The following MTMR10 variants were observed in gnomAD, a reference collection of about 807,000 sequenced individuals.
The protein encoded by MTMR10 is myotubularin related protein 10, also known as myotubularin-related protein 10.
A neutral mutation model predicts 88.1 loss-of-function variants in MTMR10; 56 were observed. The observed-to-expected ratio is 0.64, with a 90% CI of 0.51 to 0.79. The LOEUF is 0.79. MTMR10 is among the 30% of genes least tolerant of loss of function. MTMR10 has a pLI of 0.00. For synonymous variants in MTMR10, 380 were observed against 340.9 expected (o/e 1.11, Z -1.26); for missense variants, 883 against 924.7 (o/e 0.95, Z 0.58).
At chr15:30,934,938 GTC>G (rs1191328641), downstream of MTMR10, among the ~76,000 whole-genome samples, 5 of 152,080 alleles carry the variant, frequency 3.3e-5, no homozygotes, top group Non-Finnish European at 7.4e-5. Context: ...TGATTAATGA[GTC>G]TGTATTTACT....
At chr15:30,946,252 A>C (rs1006084793) in intron 14 of MTMR10, 2 of 153,308 alleles carry the variant, frequency 1.3e-5, no homozygotes, top group African/African-American at 4.8e-5. Context: ...ATCCAGAATA[A>C]TTCATATGTC....
intron 5 of MTMR10, among the ~76,000 whole-genome samples, chr15:30,972,925 C>G (rs1241324816): frequency 6.6e-6 from 1 of 152,180 alleles, no homozygotes; most frequent in African/African-American, 2.4e-5. Flanking sequence ...GCATCAATTT[C>G]TTCCTTAGGA....
Position 30,991,449 on chromosome 15 carries a change from G to A in MTMR10, c.58C>T (p.Gln20Ter), listed in dbSNP as rs753837494. The change falls in exon 1 of 16, where the codon CAG becomes TAG. Residue 20 changes from glutamine to a stop codon, truncating the protein, a stop_gained and splice_region_variant. Transcript: ENST00000435680. LOFTEE classifies it high-confidence loss of function. Reference sequence around the variant, plus strand: ...GCTCGCGGGGAGGGGTTGTTTACCTGGGGCGGTGGCAGGAGGTAGGACCTG... The same window carrying A: ...GCTCGCGGGGAGGGGTTGTTTACCTAGGGCGGTGGCAGGAGGTAGGACCTG... Reference protein sequence around the residue: ...TFRSYLLPPPQTDDKINSEPK... With the variant: ...TFRSYLLPPP 1.6e-5 allele frequency: 24 copies of A among 1,501,992 alleles called. No homozygotes were observed. Among genetic ancestry groups the A allele is most frequent in the Non-Finnish European group, 2.1e-5 (24 of 1,131,768 alleles). The allele number at this position is 1,501,992 out of a possible 1,614,324, so 93.0% of individuals were successfully genotyped here.
At chr15:30,942,197 C>T in intron 15 of MTMR10, 125 bp from the exon 16 acceptor site, 2 of 1,193,128 alleles carry the variant, frequency 1.7e-6, no homozygotes, top group Non-Finnish European at 2.3e-6. Context: ...AGAACATTTT[C>T]CTCCCTTCCT....
rs2063020692 is a variant in MTMR10, at chr15:30,940,827, C to CTAAG, written c.*639_*642dup. On this transcript the variant is annotated 3_prime_UTR_variant, in exon 16 of 16. Coordinates refer to ENST00000435680, the MANE Select transcript of MTMR10 (RefSeq NM_017762.3). ...TTGTATCCTAAAGTCAAAGGCACTT[C>CTAAG]TAAGTTTAATTATCTGCAGCAAATG... 2.0e-6 allele frequency: 2 copies of CTAAG among 988,470 alleles called. No individual in the cohort carries two copies. Among genetic ancestry groups the CTAAG allele is most frequent in the Admixed American group, 6.0e-5 (1 of 16,618 alleles). 61.2% of individuals were successfully genotyped at this position (988,470 alleles called of 1,614,324 possible).
the MTMR10 span, chr15:30,928,132 C>G: frequency 9.9e-7 from 1 of 1,006,916 alleles, no homozygotes; most frequent in African/African-American, 1.7e-5. Flanking sequence ...AGCATTTCTT[C>G]AGGGGTGGCC....
chr15:30,941,527 T>C lies in MTMR10; in HGVS notation c.2277A>G (p.Lys759=). The C allele has an allele frequency of 6.2e-7, 1 of 1,610,614 alleles. No homozygotes were observed. The highest frequency in any genetic ancestry group is 1.1e-5 in the South Asian group (1 of 90,368). ...RRSILGTPLS[K]FLSGAKIWLS... ...ACCATATTTTGGCCCCACTTAAAAA[T>C]TTGCTTAATGGTGTTCCTAAAATGC... The change falls in exon 16 of 16, where the codon AAA becomes AAG. Residue 759 remains lysine, a synonymous_variant. Transcript: ENST00000435680.
At chr15:30,971,956 A>G (rs1395554124) in intron 5 of MTMR10, among the ~76,000 whole-genome samples, 1 of 152,180 alleles carries the variant, frequency 6.6e-6, no homozygotes, top group African/African-American at 2.4e-5. Context: ...AACACCAACA[A>G]GACAACCAGA....
intron 2 of MTMR10, among the ~76,000 whole-genome samples, chr15:30,989,973 C>A (rs2031202984): frequency 6.6e-6 from 1 of 152,118 alleles, no homozygotes; most frequent in African/African-American, 2.4e-5. Flanking sequence ...AATTATTATA[C>A]AATTGTTATA....
downstream of MTMR10, among the ~76,000 whole-genome samples, chr15:30,933,974 C>T (rs192979744): frequency 3.9e-3 from 599 of 152,188 alleles, 3 homozygotes; most frequent in Non-Finnish European, 6.5e-3. Context: ...GTTGCCCAGG[C>T]TGGTCTCAAA....
intron 6 of MTMR10, among the ~76,000 whole-genome samples, chr15:30,961,302 C>T (rs73366557): frequency 0.033 from 4,966 of 151,904 alleles, 252 homozygotes; most frequent in African/African-American, 0.11. Context: ...GGCATGATCT[C>T]GGCTGACTGC....
Position 30,960,745 on chromosome 15 carries a change from ATATT to A in MTMR10, c.758+132_758+135del, listed in dbSNP as rs2063390448. ...AATAAGCCTTGATCTTTAAAATAAA[ATATT>A]TATTAAAACATTATTAAAAACAAAT... On this transcript the variant is annotated intron_variant, in intron 7 of 15. Coordinates refer to ENST00000435680, the MANE Select transcript of MTMR10 (RefSeq NM_017762.3). The A allele has an allele frequency of 1.2e-5, 14 of 1,170,096 alleles. 1 individual carries two copies. The highest frequency in any genetic ancestry group is 5.8e-5 in the East Asian group (2 of 34,260). The allele number at this position is 1,170,096 out of a possible 1,614,324, so 72.5% of individuals were successfully genotyped here.
rs766567354 is a variant in MTMR10 at position 30,942,010 on chromosome 15, G to A, written c.1794C>T (p.Asp598=). 1 of 1,613,890 alleles carries A rather than the reference G, an allele frequency of 6.2e-7. No homozygotes were observed. Among genetic ancestry groups the A allele is most frequent in the Non-Finnish European group, 8.5e-7 (1 of 1,179,882 alleles). ...PSALKNGIIS[D]QELLPRRNSL... ...AATTTCTCCTTGGAAGTAATTCTTG[G>A]TCACTGATGATTCCATTCTTTAAGG... Residue 598 remains aspartate, a synonymous_variant, in exon 16 of 16, where the codon GAC becomes GAT. Transcript: ENST00000435680.
chr15:30,930,477 C>T, the MTMR10 span: 7 of 1,530,336 alleles, frequency 4.6e-6, no homozygotes, highest in Non-Finnish European at 5.2e-6. Context: ...GTCTCGTGAT[C>T]CCTGGAGCCT....
the MTMR10 span, chr15:30,926,941 C>G: frequency 1.0e-6 from 1 of 985,354 alleles, no homozygotes; most frequent in South Asian, 4.7e-5. Context: ...TCAACCTCTT[C>G]TGGGAGGTGA....
chr15:30,921,576 G>T, the MTMR10 span, among the ~76,000 whole-genome samples: 1 of 152,160 alleles, frequency 6.6e-6, no homozygotes, highest in East Asian at 1.9e-4. Flanking sequence ...TGCTAAGCTG[G>T]TTTCTTGGCC....
chr15:30,967,100 T>C lies in MTMR10; in HGVS notation c.565+820A>G, dbSNP rs1472738526. Among the ~76,000 whole-genome samples, 4 of 152,250 alleles carry C rather than the reference T, an allele frequency of 2.6e-5. No homozygotes were observed. The East Asian group carries it at 5.8e-4, about 22-fold the overall frequency. ...TTAATAATTTGTATGGCCCAGAGCATGCTGGGTGAATGGATTTTTCATTAT... is the reference window on the plus strand; with the variant it reads ...TTAATAATTTGTATGGCCCAGAGCACGCTGGGTGAATGGATTTTTCATTAT... On this transcript the variant is annotated intron_variant, in intron 6 of 15. Transcript: ENST00000435680.
rs77226823 is a variant in MTMR10, at chr15:30,962,849, G to A, written c.566-1776C>T. On this transcript the variant is annotated intron_variant, in intron 6 of 15. Coordinates refer to ENST00000435680, the MANE Select transcript of MTMR10 (RefSeq NM_017762.3). The stretch of plus-strand genomic sequence containing the variant: ...GCAGAGAGAGGCCGGGGCAGGAAAA[G>A]CTTCATGACTTGACCACAACTAAAG... Among the ~76,000 whole-genome samples the A allele has an allele frequency of 4.9e-3, 750 of 152,360 alleles. 8 individuals are homozygous for A. The highest frequency in any genetic ancestry group is 0.017 in the African/African-American group (714 of 41,582).
At chr15:30,922,134 C>A in the MTMR10 span, 2 of 1,392,212 alleles carry the variant, frequency 1.4e-6, no homozygotes, top group Non-Finnish European at 2.0e-6. Context: ...TGGAAAGATA[C>A]GCATTATAAA....
Sources: allele counts gnomAD v4.1 joint callset (sites outside exome capture counted in the v4.1 genomes callset), GRCh38; gene constraint gnomAD v4.1.1; transcripts MANE v1.5; gene names NCBI Gene and HGNC (gene_info 2026-07-23, HGNC 2026-07-21).